The following MAP3K13 variants were observed in gnomAD, a reference collection of about 807,000 sequenced individuals.
The protein encoded by MAP3K13 is mitogen-activated protein kinase kinase kinase 13.
Under a neutral mutation model 104.0 loss-of-function variants are expected in MAP3K13, and 52 were observed. That is an observed-to-expected ratio of 0.50 (90% CI 0.40 to 0.63). The LOEUF is 0.63. Among genes scored for constraint, MAP3K13 ranks in the 20% least tolerant of loss-of-function variants. The pLI, the probability that MAP3K13 is intolerant of heterozygous loss-of-function variation, is 0.00. For synonymous variants in MAP3K13, 394 were observed against 442.2 expected (o/e 0.89, Z 1.37); for missense variants, 914 against 1,218.5 (o/e 0.75, Z 3.72).
At position 185,482,441 on chromosome 3, in the gene MAP3K13, C is replaced by T. The variant is rs1316850286; in HGVS notation, c.2886C>T (p.Ser962=). The change falls in exon 14 of 14, where the codon AGC becomes AGT. Residue 962 remains serine (S), a synonymous_variant. Coordinates refer to ENST00000265026, the MANE Select transcript of MAP3K13 (RefSeq NM_004721.5). The surrounding 1 kb of genome is among the most constrained non-coding windows in gnomAD (Gnocchi z 4.5). Reference sequence around the variant, plus strand: ...CAGTTAGGACCAATAAACACTACAGCTCTGCTACCTGGTAATGAAGGAATA... The same window carrying T: ...CAGTTAGGACCAATAAACACTACAGTTCTGCTACCTGGTAATGAAGGAATA... The part of the protein sequence containing the change: ...DATVRTNKHY[S]SATW 1 of 1,612,648 alleles carries T rather than the reference C, an allele frequency of 6.2e-7. No individual in the cohort carries two copies. Among genetic ancestry groups the T allele is most frequent in the East Asian group, 2.2e-5 (1 of 44,860 alleles).
At chr3:185,480,073 A>T (rs1029114693) in intron 12 of MAP3K13, 159 bp from the exon 13 acceptor site, 12 of 701,428 alleles carry the variant, frequency 1.7e-5, no homozygotes, top group Non-Finnish European at 2.9e-5. Context: ...CATTGCCTTA[A>T]TGTTAAAAGT....
chr3:185,412,961 G>C (rs1156741029), intron 1 of MAP3K13, among the ~76,000 whole-genome samples: 1 of 152,114 alleles, frequency 6.6e-6, no homozygotes, highest in Non-Finnish European at 1.5e-5. Context: ...GAGCTTCAAG[G>C]AATGATGGTA....
At chr3:185,389,073 A>T (rs547967660) in intron 1 of MAP3K13, among the ~76,000 whole-genome samples, 5 of 152,260 alleles carry the variant, frequency 3.3e-5, no homozygotes, top group East Asian at 1.9e-4. Context: ...TCTGCGTTAA[A>T]CAAAATAAAA....
At chr3:185,332,638 C>T (rs1186056765) in intron 2 of MAP3K13, among the ~76,000 whole-genome samples, 2 of 152,190 alleles carry the variant, frequency 1.3e-5, no homozygotes, top group East Asian at 3.8e-4. Flanking sequence ...TGGAATCACA[C>T]AGTAATTATC....
chr3:185,385,780 A>T (rs1166391068), intron 1 of MAP3K13, among the ~76,000 whole-genome samples: 1 of 152,134 alleles, frequency 6.6e-6, no homozygotes, highest in Non-Finnish European at 1.5e-5. Context: ...AGGTGGGCTG[A>T]TCACCTGAGG....
intron 1 of MAP3K13, among the ~76,000 whole-genome samples, chr3:185,408,030 CT>C (rs1022218905): frequency 1.3e-3 from 191 of 150,920 alleles, no homozygotes; most frequent in African/African-American, 4.5e-3. Flanking sequence ...GTGTGAGCCA[CT>C]TTTTTTTTCT....
intron 2 of MAP3K13, among the ~76,000 whole-genome samples, chr3:185,301,110 A>G (rs13066938): frequency 1.3e-4 from 11 of 84,622 alleles, no homozygotes; most frequent in Admixed American, 3.5e-4. Flanking sequence ...ACCAACACTT[A>G]TTATTTTTAT....
intron 2 of MAP3K13, among the ~76,000 whole-genome samples, chr3:185,311,808 G>T (rs1368633304): frequency 6.6e-6 from 1 of 152,082 alleles, no homozygotes. Flanking sequence ...CTACAAAAAT[G>T]TTCATTGCAT....
intron 1 of MAP3K13, among the ~76,000 whole-genome samples, chr3:185,413,600 T>C (rs1290148545): frequency 9.2e-5 from 14 of 152,104 alleles, no homozygotes; most frequent in Admixed American, 9.2e-4. Flanking sequence ...GGTGGGTGGA[T>C]CAACTGAGGC....
chr3:185,334,994 A>C (rs1220008150), intron 2 of MAP3K13, among the ~76,000 whole-genome samples: 2 of 152,110 alleles, frequency 1.3e-5, no homozygotes, highest in Non-Finnish European at 2.9e-5. Context: ...TGTACTGATA[A>C]ATAGACATGG....
At chr3:185,361,555 C>G (rs1276554921), upstream of MAP3K13, among the ~76,000 whole-genome samples, 1 of 152,086 alleles carries the variant, frequency 6.6e-6, no homozygotes, top group Non-Finnish European at 1.5e-5. Flanking sequence ...CGCCCACCAT[C>G]ACGCCCGGCT....
chr3:185,283,655 A>T (rs1319601219), intron 1 of MAP3K13, among the ~76,000 whole-genome samples: 1 of 152,018 alleles, frequency 6.6e-6, no homozygotes, highest in African/African-American at 2.4e-5. Context: ...GGTTTTTGTT[A>T]GTTTTGTTTT....
At chr3:185,478,888 AAAAAC>A (rs546456170) in intron 12 of MAP3K13, among the ~76,000 whole-genome samples, 4 of 152,140 alleles carry the variant, frequency 2.6e-5, no homozygotes, top group South Asian at 2.1e-4. Flanking sequence ...AAAAAAAGAA[AAAAAC>A]AAAACAAAAC....
intron 2 of MAP3K13, among the ~76,000 whole-genome samples, chr3:185,354,475 C>A (rs942029359): frequency 8.0e-5 from 12 of 150,604 alleles, no homozygotes; most frequent in African/African-American, 2.9e-4. Context: ...AGGAGCAGAC[C>A]CTTAGCAGAT....
upstream of MAP3K13, among the ~76,000 whole-genome samples, chr3:185,362,474 T>A (rs967875217): frequency 3.3e-5 from 5 of 152,208 alleles, no homozygotes; most frequent in African/African-American, 1.2e-4. Context: ...CACTGTACCC[T>A]ACTTAAAAGT....
upstream of MAP3K13, among the ~76,000 whole-genome samples, chr3:185,358,469 G>A (rs1723471882): frequency 6.6e-6 from 1 of 152,168 alleles, no homozygotes; most frequent in Non-Finnish European, 1.5e-5. Context: ...CTCAATGATA[G>A]TTATTCTTCT....
In MAP3K13 at chr3:185,480,132, G is replaced by GA. The variant is rs1206149678; in HGVS notation, c.2502-94dup. 23 of 1,208,452 alleles carry GA rather than the reference G, an allele frequency of 1.9e-5. No homozygotes were observed. In the African/African-American group the frequency reaches 2.0e-4, roughly 10 times the overall value. The allele number at this position is 1,208,452 out of a possible 1,614,324, so 74.9% of individuals were successfully genotyped here. A position where few individuals can be genotyped will look rare whatever the true frequency, so the allele number is the denominator to read the frequency against. ...TTTCTTAGGCCTCCTTGATGGCAGGGAAAAAACTAGATTATCTCTACCACT... is the reference window on the plus strand; with the variant it reads ...TTTCTTAGGCCTCCTTGATGGCAGGGAAAAAAACTAGATTATCTCTACCACT... On this transcript the variant is annotated intron_variant, in intron 12 of 13. Transcript: ENST00000265026.
At chr3:185,394,152 C>T (rs142132244) in intron 1 of MAP3K13, among the ~76,000 whole-genome samples, 40 of 152,240 alleles carry the variant, frequency 2.6e-4, no homozygotes, top group African/African-American at 9.4e-4. Flanking sequence ...ACCAGAGGGA[C>T]TTACATCTTT....
At chr3:185,455,571 A>ATGATATATG (rs1716551968) in intron 7 of MAP3K13, among the ~76,000 whole-genome samples, 2 of 4,134 alleles carry the variant, frequency 4.8e-4, no homozygotes, top group Non-Finnish European at 1.1e-3. Context: ...TGAGATATAT[A>ATGATATATG]TGACATATAT....
Sources: allele counts gnomAD v4.1 joint callset (sites outside exome capture counted in the v4.1 genomes callset), GRCh38; gene constraint gnomAD v4.1.1; non-coding constraint Gnocchi (gnomAD v3.1); transcripts MANE v1.5; gene names NCBI Gene and HGNC (gene_info 2026-07-23, HGNC 2026-07-21).